Variants in PRKAR2B observed in about 807,000 individuals in gnomAD.
The protein encoded by PRKAR2B is cAMP-dependent protein kinase type II-beta regulatory subunit.
Under a neutral mutation model 49.9 loss-of-function variants are expected in PRKAR2B, and 14 were observed. That is an observed-to-expected ratio of 0.28 (90% CI 0.19 to 0.44). PRKAR2B has a LOEUF of 0.44. Among genes scored for constraint, PRKAR2B ranks in the 20% least tolerant of loss-of-function variants. The probability of loss-of-function intolerance (pLI) is 1.00; values close to 1 mark genes in which losing one functional copy is unlikely to be tolerated. For missense variants in PRKAR2B, 393 were observed against 537.9 expected (o/e 0.73, Z 2.67); for synonymous variants, 196 against 197.7 (o/e 0.99, Z 0.07).
At chr7:107,075,049 C>CTTAA (rs1794370820) in intron 2 of PRKAR2B, among the ~76,000 whole-genome samples, 1 of 150,684 alleles carries the variant, frequency 6.6e-6, no homozygotes, top group Non-Finnish European at 1.5e-5. Context: ...AGCTTGGGAT[C>CTTAA]TTAATAGCTA....
chr7:107,081,137 G>A (rs907514823), intron 2 of PRKAR2B, among the ~76,000 whole-genome samples: 3 of 151,808 alleles, frequency 2.0e-5, no homozygotes, highest in Admixed American at 1.3e-4. Context: ...ATATTAATTG[G>A]CCAAAGTGCA....
At chr7:107,070,637 G>T (rs1320061953) in intron 2 of PRKAR2B, among the ~76,000 whole-genome samples, 2 of 152,204 alleles carry the variant, frequency 1.3e-5, no homozygotes, top group Admixed American at 6.5e-5. Flanking sequence ...ATTACGATCT[G>T]TATGGTTGTC....
At chr7:107,154,494 C>G (rs2115675132) in intron 8 of PRKAR2B, among the ~76,000 whole-genome samples, 1 of 152,218 alleles carries the variant, frequency 6.6e-6, no homozygotes, top group South Asian at 2.1e-4. Context: ...TTTATGAAAA[C>G]CTGATACAAG....
chr7:107,071,478 A>G (rs906341691), intron 2 of PRKAR2B, among the ~76,000 whole-genome samples: 1 of 151,618 alleles, frequency 6.6e-6, no homozygotes, highest in Non-Finnish European at 1.5e-5. Flanking sequence ...TGTAGATTGT[A>G]ATGCCTTTTG....
At chr7:107,146,555 G>A in intron 6 of PRKAR2B, 94 bp downstream of exon 6, 1 of 1,344,626 alleles carries the variant, frequency 7.4e-7, no homozygotes, top group Non-Finnish European at 1.0e-6. Context: ...TTAATTTAAA[G>A]ATCATCAGTC....
intron 1 of PRKAR2B, among the ~76,000 whole-genome samples, chr7:107,045,830 G>A (rs1264722167): frequency 6.6e-6 from 1 of 152,184 alleles, no homozygotes; most frequent in Non-Finnish European, 1.5e-5. Context: ...TTTTGGACAC[G>A]TAACAAAGGA....
rs763947516 is a variant in PRKAR2B, at chr7:107,070,162, T to C, written c.308-119T>C. On this transcript the variant is annotated intron_variant, in intron 1 of 10. Coordinates refer to ENST00000265717, the MANE Select transcript of PRKAR2B (RefSeq NM_002736.3). ...TTTTGTATATTCATGGTATTTCCTCTTATTTATTCATCTTTTTCTTTAGTT... is the reference window on the plus strand; with the variant it reads ...TTTTGTATATTCATGGTATTTCCTCCTATTTATTCATCTTTTTCTTTAGTT... 5.0e-6 allele frequency: 3 copies of C among 604,020 alleles called. No individual in the cohort carries two copies. In the South Asian group the frequency reaches 7.1e-5, roughly 14 times the overall value. 37.4% of individuals were successfully genotyped at this position (604,020 alleles called of 1,614,324 possible).
At chr7:107,104,810 CT>C (rs1408284142) in intron 2 of PRKAR2B, among the ~76,000 whole-genome samples, 2 of 152,090 alleles carry the variant, frequency 1.3e-5, no homozygotes, top group Non-Finnish European at 2.9e-5. Flanking sequence ...GAAAGTACCC[CT>C]TAAGTCTAAT....
intron 2 of PRKAR2B, among the ~76,000 whole-genome samples, chr7:107,090,964 A>G (rs1032713938): frequency 1.3e-5 from 2 of 152,240 alleles, no homozygotes; most frequent in African/African-American, 4.8e-5. Flanking sequence ...CATTTACACC[A>G]CAAGTTTTTC....
chr7:107,128,634 C>T (rs748727721), intron 4 of PRKAR2B, among the ~76,000 whole-genome samples: 6 of 152,074 alleles, frequency 3.9e-5, no homozygotes, highest in Non-Finnish European at 8.8e-5. Flanking sequence ...TTGCCCTCTT[C>T]GTACCCATCA....
chr7:107,132,269 G>A (rs1404394756), intron 4 of PRKAR2B, among the ~76,000 whole-genome samples: 1 of 152,214 alleles, frequency 6.6e-6, no homozygotes. Context: ...GAGTGATGGA[G>A]CTAAGATGTG....
intron 1 of PRKAR2B, among the ~76,000 whole-genome samples, chr7:107,066,058 C>T (rs988901030): frequency 2.0e-5 from 3 of 152,084 alleles, no homozygotes; most frequent in African/African-American, 7.2e-5. Flanking sequence ...TATACAAGCA[C>T]GAAGATATTC....
chr7:107,127,448 G>T (rs554392979), intron 3 of PRKAR2B, among the ~76,000 whole-genome samples: 1 of 151,072 alleles, frequency 6.6e-6, no homozygotes, highest in Admixed American at 6.6e-5. Context: ...AAAGGGACTC[G>T]AGAGATAGCA....
intron 3 of PRKAR2B, 113 bp from the exon 4 acceptor site, chr7:107,128,099 G>T: frequency 2.9e-6 from 2 of 693,422 alleles, no homozygotes; most frequent in East Asian, 2.7e-5. Context: ...AAACTTGAGC[G>T]CTAACAGTTC....
At chr7:107,078,233 A>G (rs1398674832) in intron 2 of PRKAR2B, 2 of 152,640 alleles carry the variant, frequency 1.3e-5, no homozygotes, top group Non-Finnish European at 2.9e-5. Context: ...AAGAAAAGAA[A>G]AGAAATGGCT....
At position 107,057,398 on chromosome 7, in the gene PRKAR2B, C is replaced by T. The variant is rs934624970; in HGVS notation, c.307+12184C>T. 4.6e-5 allele frequency among the ~76,000 whole-genome samples: 7 copies of T among 151,458 alleles called. 1 individual carries two copies. In the South Asian group the frequency reaches 8.4e-4, roughly 18 times the overall value. ...TTCCCACTCCACTAATTTTCATAAA[C>T]GTGGTCACTAGAGCTCCTTTTCCTT... On this transcript the variant is annotated intron_variant, in intron 1 of 10. Coordinates refer to ENST00000265717, the MANE Select transcript of PRKAR2B (RefSeq NM_002736.3).
chr7:107,070,080 T>C, intron 1 of PRKAR2B: 1 of 444,734 alleles, frequency 2.2e-6, no homozygotes, highest in South Asian at 3.1e-5. Context: ...ATTTAATAGG[T>C]AAAATACTGA....
chr7:107,055,333 T>TGG (rs1307861200), intron 1 of PRKAR2B, among the ~76,000 whole-genome samples: 7 of 152,226 alleles, frequency 4.6e-5, no homozygotes, highest in Non-Finnish European at 1.0e-4. Flanking sequence ...TACCCAGTAA[T>TGG]GGGATGGCTG....
At chr7:107,136,660 A>G (rs890806451) in intron 4 of PRKAR2B, among the ~76,000 whole-genome samples, 10 of 152,226 alleles carry the variant, frequency 6.6e-5, no homozygotes, top group African/African-American at 2.2e-4. Flanking sequence ...TGACAACACC[A>G]AATGCTGGTG....
Sources: gnomAD v4.1 joint callset for allele counts (sites outside exome capture counted in the v4.1 genomes callset) on GRCh38, gnomAD v4.1.1 for gene constraint, MANE v1.5 for transcripts, NCBI Gene and HGNC (gene_info 2026-07-23, HGNC 2026-07-21) for gene names.